AGBL3: variants seen among roughly 807,000 people sequenced by gnomAD.
The protein encoded by AGBL3 is AGBL carboxypeptidase 3, also known as cytosolic carboxypeptidase 3.
Under a neutral mutation model 94.5 loss-of-function variants are expected in AGBL3, and 68 were observed. The ratio of observed to expected loss-of-function variants is 0.72; its 90% CI spans 0.59 to 0.88. AGBL3 has a LOEUF of 0.88. Among genes scored for constraint, AGBL3 ranks in the 40% least tolerant of loss-of-function variants. AGBL3 has a pLI of 0.00. For missense variants in AGBL3, 934 were observed against 1,103.8 expected, an observed-to-expected ratio of 0.85 and a Z score of 2.18; for synonymous variants, 354 against 370.7, an observed-to-expected ratio of 0.95 and a Z score of 0.52.
At chr7:135,003,074 A>C (rs1811928958) in intron 4 of AGBL3, among the ~76,000 whole-genome samples, 2 of 152,080 alleles carry the variant, frequency 1.3e-5, no homozygotes. Context: ...TATCATTTTT[A>C]AATGATTTCT....
chr7:135,069,780 T>C (rs1197397823), intron 12 of AGBL3, among the ~76,000 whole-genome samples: 1 of 152,010 alleles, frequency 6.6e-6, no homozygotes, highest in Non-Finnish European at 1.5e-5. Flanking sequence ...AGGAAATATC[T>C]AAAATTGACA....
intron 15 of AGBL3, among the ~76,000 whole-genome samples, chr7:135,102,096 C>A (rs1823925162): frequency 6.6e-6 from 1 of 152,162 alleles, no homozygotes; most frequent in South Asian, 2.1e-4. Flanking sequence ...ATAAATTACC[C>A]AGTCTGGAGA....
rs188951014 is a variant in AGBL3, at chr7:135,080,013, G to A, written c.1981-190G>A. 1.5e-3 allele frequency among the ~76,000 whole-genome samples: 223 copies of A among 152,124 alleles called. 1 individual carries two copies. The highest frequency in any genetic ancestry group is 5.3e-3 in the African/African-American group (220 of 41,508). On this transcript the variant is annotated intron_variant, in intron 13 of 16. Transcript: ENST00000436302. ...ATATTTTCTTCTACTCATTGATGCAGGAGAAAAGTAGCGTAGGGAAAAATA... is the reference window on the plus strand; with the variant it reads ...ATATTTTCTTCTACTCATTGATGCAAGAGAAAAGTAGCGTAGGGAAAAATA...
At chr7:135,094,898 G>A (rs1822427013) in intron 15 of AGBL3, among the ~76,000 whole-genome samples, 2 of 152,306 alleles carry the variant, frequency 1.3e-5, no homozygotes, top group South Asian at 4.1e-4. Context: ...AGCTGGCAAG[G>A]AAAAATTATA....
intron 4 of AGBL3, among the ~76,000 whole-genome samples, chr7:135,015,718 A>G (rs933824698): frequency 6.6e-6 from 1 of 152,098 alleles, no homozygotes; most frequent in Admixed American, 6.5e-5. Flanking sequence ...CAACTTTTGA[A>G]GATCAGCATA....
At chr7:135,065,848 G>A (rs537621262) in intron 12 of AGBL3, among the ~76,000 whole-genome samples, 17 of 152,234 alleles carry the variant, frequency 1.1e-4, no homozygotes, top group African/African-American at 3.9e-4. Flanking sequence ...TCATGATTGG[G>A]CCACTGCACT....
intron 15 of AGBL3, among the ~76,000 whole-genome samples, chr7:135,083,944 A>T (rs1253822215): frequency 6.6e-6 from 1 of 152,186 alleles, no homozygotes; most frequent in African/African-American, 2.4e-5. Flanking sequence ...GATGACTTGC[A>T]GACCACACTT....
chr7:135,048,587 T>G (rs1327489867), intron 11 of AGBL3, among the ~76,000 whole-genome samples: 3 of 151,984 alleles, frequency 2.0e-5, no homozygotes, highest in Non-Finnish European at 4.4e-5. Flanking sequence ...CCTATTTTAT[T>G]CTTTCTGGTG....
chr7:134,996,420 G>C (rs1337574792), intron 4 of AGBL3, among the ~76,000 whole-genome samples: 1 of 152,150 alleles, frequency 6.6e-6, no homozygotes, highest in Admixed American at 6.5e-5. Flanking sequence ...GGGAGTTTCA[G>C]ACAGTAAACA....
chr7:135,060,470 A>T (rs1818729649), intron 12 of AGBL3, among the ~76,000 whole-genome samples: 2 of 152,256 alleles, frequency 1.3e-5, no homozygotes, highest in South Asian at 4.2e-4. Context: ...CTATAGTCAC[A>T]ATGATGCATA....
In AGBL3 at chr7:135,032,966, C is replaced by T. The variant is rs1224500105; in HGVS notation, c.541C>T (p.Gln181Ter). The T allele has an allele frequency of 1.3e-6, 2 of 1,548,918 alleles. No individual in the cohort carries two copies. Among genetic ancestry groups the T allele is most frequent in the East Asian group, 2.5e-5 (1 of 40,802 alleles). ...FEARFESGNL[Q>*]KVVKVAEYEY... Reference sequence around the variant, plus strand: ...AGCAAGGTTTGAGAGTGGTAATCTACAGAAGGTAGTCAAAGTGTAGGTTCT... The same window carrying T: ...AGCAAGGTTTGAGAGTGGTAATCTATAGAAGGTAGTCAAAGTGTAGGTTCT... Residue 181 changes from glutamine (Q) to a stop codon, truncating the protein, a stop_gained, in exon 6 of 17, where the codon CAG becomes TAG. Transcript: ENST00000436302. LOFTEE classifies it high-confidence loss of function.
At chr7:135,015,996 A>C (rs1813749543) in intron 4 of AGBL3, among the ~76,000 whole-genome samples, 1 of 151,186 alleles carries the variant, frequency 6.6e-6, no homozygotes, top group South Asian at 2.1e-4. Context: ...ACGCCACTGC[A>C]CTCCAGCCTG....
At chr7:135,004,227 T>C (rs1209374537) in intron 4 of AGBL3, among the ~76,000 whole-genome samples, 1 of 151,720 alleles carries the variant, frequency 6.6e-6, no homozygotes, top group Non-Finnish European at 1.5e-5. Context: ...CCTATTATGT[T>C]GGTGAGTTAT....
chr7:135,028,057 A>G (rs983447778), intron 5 of AGBL3, among the ~76,000 whole-genome samples: 1 of 151,658 alleles, frequency 6.6e-6, no homozygotes, highest in African/African-American at 2.4e-5. Context: ...TCTTTGCCCT[A>G]ATTAGAAATA....
Position 135,012,975 on chromosome 7 carries a change from GAGAC to G in AGBL3, c.311-4074_311-4071del, listed in dbSNP as rs550406677. Among the ~76,000 whole-genome samples the G allele has an allele frequency of 2.3e-3, 344 of 152,168 alleles. 1 individual carries two copies. The highest frequency in any genetic ancestry group is 7.6e-3 in the African/African-American group (315 of 41,542). On this transcript the variant is annotated intron_variant, in intron 4 of 16. Transcript: ENST00000436302. Reference sequence around the variant, plus strand: ...ATCAAAATTTAAAATTTCTCATTAAGAGACAGTTAAAAATGAAAAGGAAAGCCAC... The same window carrying G: ...ATCAAAATTTAAAATTTCTCATTAAGAGTTAAAAATGAAAAGGAAAGCCAC...
At chr7:135,121,585 T>C (rs2117245949) in intron 16 of AGBL3, among the ~76,000 whole-genome samples, 1 of 149,160 alleles carries the variant, frequency 6.7e-6, no homozygotes, top group South Asian at 2.1e-4. Flanking sequence ...ATTTGGAAAC[T>C]AAATAACACA....
chr7:135,125,211 A>C (rs887501332), intron 16 of AGBL3, among the ~76,000 whole-genome samples: 3 of 152,192 alleles, frequency 2.0e-5, no homozygotes, highest in Admixed American at 6.5e-5. Flanking sequence ...TGATAAGGGG[A>C]TATCACCACT....
At chr7:135,015,077 A>G (rs17660886) in intron 4 of AGBL3, among the ~76,000 whole-genome samples, 35,974 of 152,140 alleles carry the variant, frequency 0.24, 5,326 homozygotes, top group South Asian at 0.42. Flanking sequence ...TACTTGACAT[A>G]AAGATAGCTG....
At chr7:135,060,978 T>G (rs981327166) in intron 12 of AGBL3, among the ~76,000 whole-genome samples, 1 of 152,094 alleles carries the variant, frequency 6.6e-6, no homozygotes, top group African/African-American at 2.4e-5. Flanking sequence ...TTCCATACTG[T>G]TTTCCATAAT....
Sources: gnomAD v4.1 joint callset for allele counts (sites outside exome capture counted in the v4.1 genomes callset) on GRCh38, gnomAD v4.1.1 for gene constraint, MANE v1.5 for transcripts, NCBI Gene and HGNC (gene_info 2026-07-23, HGNC 2026-07-21) for gene names.